Variants in FAM3B observed in about 807,000 individuals in gnomAD.
The protein encoded by FAM3B is protein FAM3B.
In FAM3B, 29 loss-of-function variants were observed where a neutral mutation model predicts 28.4. The ratio of observed to expected loss-of-function variants is 1.02; its 90% CI spans 0.76 to 1.39. The LOEUF is 1.39. FAM3B is among the 40% of genes most tolerant of loss of function. The probability of loss-of-function intolerance (pLI) is 0.00; values close to 1 mark genes in which losing one functional copy is unlikely to be tolerated. For missense variants in FAM3B, 266 were observed against 293.9 expected, an observed-to-expected ratio of 0.91 and a Z score of 0.69; for synonymous variants, 91 against 103.0, an observed-to-expected ratio of 0.88 and a Z score of 0.71.
chr21:41,348,421 A>G (rs534674219), intron 6 of FAM3B, among the ~76,000 whole-genome samples, 171 bp from the exon 7 acceptor site: 198 of 152,326 alleles, frequency 1.3e-3, no homozygotes, highest in African/African-American at 4.6e-3. Flanking sequence ...TGACATTCTC[A>G]AGAAGCATGT....
At chr21:41,342,083 ATCTT>A (rs2089011715) in intron 3 of FAM3B, among the ~76,000 whole-genome samples, 1 of 152,198 alleles carries the variant, frequency 6.6e-6, no homozygotes, top group African/African-American at 2.4e-5. Flanking sequence ...TCTCTGAAAT[ATCTT>A]TATTTCATCT....
At chr21:41,322,857 G>C in intron 1 of FAM3B, 66 bp from the exon 2 acceptor site, 1 of 1,613,572 alleles carries the variant, frequency 6.2e-7, no homozygotes, top group South Asian at 1.1e-5. Flanking sequence ...AGGGGGGATG[G>C]GGAGGGCCAA....
intron 1 of FAM3B, chr21:41,319,869 C>T (rs1383339165): frequency 6.6e-6 from 1 of 152,206 alleles, no homozygotes; most frequent in Admixed American, 6.6e-5. Flanking sequence ...TGCCCAGTAC[C>T]TCAGAATGTG....
upstream of FAM3B, chr21:41,316,716 C>T (rs912994625): frequency 3.0e-5 from 16 of 531,196 alleles, 2 homozygotes; most frequent in Admixed American, 8.9e-5. Flanking sequence ...CGCGCACCTG[C>T]CGGGTCCGCA....
chr21:41,322,756 C>T, intron 1 of FAM3B, 167 bp from the exon 2 acceptor site: 2 of 872,106 alleles, frequency 2.3e-6, no homozygotes, highest in Non-Finnish European at 1.9e-6. Flanking sequence ...CTTCAAAGGT[C>T]CTGACACCGC....
At chr21:41,323,180 A>C in intron 2 of FAM3B, 114 bp downstream of exon 2, 1 of 1,408,364 alleles carries the variant, frequency 7.1e-7, no homozygotes, top group South Asian at 1.3e-5. Context: ...TATATCAGGA[A>C]GGAGGAGGAG....
At chr21:41,304,255 T>C (rs1210149268) in exon 1 of FAM3B, 2 of 455,932 alleles carry the variant, frequency 4.4e-6, no homozygotes, top group Non-Finnish European at 8.8e-6. Flanking sequence ...CGGGCATGGC[T>C]GGGGCACCCT....
intron 2 of FAM3B, among the ~76,000 whole-genome samples, chr21:41,325,868 G>A (rs1175105020): frequency 2.0e-5 from 3 of 152,180 alleles, no homozygotes; most frequent in Non-Finnish European, 4.4e-5. Flanking sequence ...GCTACTTTCA[G>A]AGCTGGGTGA....
chr21:41,346,035 A>G (rs115829523), intron 5 of FAM3B: 2,911 of 268,170 alleles, frequency 0.011, 22 homozygotes, highest in African/African-American at 0.029. Context: ...AAAAAAAAAA[A>G]AGCCAAATAC....
At chr21:41,354,260 ATTT>A (rs2089145710) in intron 7 of FAM3B, among the ~76,000 whole-genome samples, 1 of 152,258 alleles carries the variant, frequency 6.6e-6, no homozygotes. Context: ...CAGAAATACT[ATTT>A]GACCAGCAAT....
chr21:41,345,752 C>T lies in FAM3B; in HGVS notation c.397+16C>T, dbSNP rs759362412. 2 of 1,467,408 alleles carry T rather than the reference C, an allele frequency of 1.4e-6. No individual in the cohort carries two copies. Among genetic ancestry groups the T allele is most frequent in the East Asian group, 2.3e-5 (1 of 44,058 alleles). 90.9% of individuals were successfully genotyped at this position (1,467,408 alleles called of 1,614,324 possible). A position where few individuals can be genotyped will look rare whatever the true frequency, so the allele number is the denominator to read the frequency against. ...TATGAAGGTGGTAAGAAAATTTTTT[C>T]TGTTAAAATTCAAATGAATTTTAAA... On this transcript the variant is annotated intron_variant, in intron 5 of 7. Coordinates refer to ENST00000357985, the MANE Select transcript of FAM3B (RefSeq NM_058186.4).
At chr21:41,336,480 C>T (rs1234303589) in intron 2 of FAM3B, among the ~76,000 whole-genome samples, 1 of 152,170 alleles carries the variant, frequency 6.6e-6, no homozygotes, top group Non-Finnish European at 1.5e-5. Flanking sequence ...TGAGATCACA[C>T]CACTACACTC....
chr21:41,316,776 G>C, upstream of FAM3B: 1 of 1,215,374 alleles, frequency 8.2e-7, no homozygotes, highest in Non-Finnish European at 1.1e-6. Flanking sequence ...GCCCCTGCCC[G>C]ACACGACCGC....
At chr21:41,324,191 G>A (rs974117622) in intron 2 of FAM3B, among the ~76,000 whole-genome samples, 2 of 152,174 alleles carry the variant, frequency 1.3e-5, no homozygotes, top group African/African-American at 4.8e-5. Flanking sequence ...CAAACTGGGG[G>A]CCCAGAGACA....
At position 41,340,769 on chromosome 21, in the gene FAM3B, T is replaced by G. The variant is rs942563823; in HGVS notation, c.287+2268T>G. On this transcript the variant is annotated intron_variant, in intron 3 of 7. Coordinates refer to ENST00000357985, the MANE Select transcript of FAM3B (RefSeq NM_058186.4). Reference sequence around the variant, plus strand: ...CAGAAATCAACATTATGTTTGAATATTACATGTCCCAAAAAAGGAGGCTCA... The same window carrying G: ...CAGAAATCAACATTATGTTTGAATAGTACATGTCCCAAAAAAGGAGGCTCA... 2.0e-5 allele frequency among the ~76,000 whole-genome samples: 3 copies of G among 152,224 alleles called. No individual in the cohort carries two copies. The South Asian group carries it at 6.2e-4, about 32-fold the overall frequency.
chr21:41,310,898 A>G (rs1324457671), intron 1 of FAM3B, among the ~76,000 whole-genome samples: 1 of 152,012 alleles, frequency 6.6e-6, no homozygotes, highest in Non-Finnish European at 1.5e-5. Flanking sequence ...CTAAAAGGAT[A>G]TTTTTTCCCC....
chr21:41,335,334 A>T (rs1257656569), intron 2 of FAM3B, among the ~76,000 whole-genome samples: 1 of 152,184 alleles, frequency 6.6e-6, no homozygotes, highest in Non-Finnish European at 1.5e-5. Flanking sequence ...GCAAAATCTC[A>T]TGTCAAATTT....
Position 41,338,352 on chromosome 21 carries a change from G to T in FAM3B, c.164-26G>T, listed in dbSNP as rs532993587. 3.7e-6 allele frequency: 6 copies of T among 1,613,414 alleles called. No homozygotes were observed. In the South Asian group the frequency reaches 4.4e-5, roughly 12 times the overall value. ...TGTAAATTACTGTGGGATGTTAATG[G>T]CTATATACTTTCTTATTCATTACAG... On this transcript the variant is annotated intron_variant, in intron 2 of 7. Coordinates refer to ENST00000357985, the MANE Select transcript of FAM3B (RefSeq NM_058186.4).
intron 5 of FAM3B, among the ~76,000 whole-genome samples, chr21:41,346,782 G>T (rs564536703): frequency 6.6e-6 from 1 of 152,092 alleles, no homozygotes; most frequent in African/African-American, 2.4e-5. Flanking sequence ...GCAAGTGTTA[G>T]GTTCTTTTCC....
Sources: gnomAD v4.1 joint callset for allele counts (sites outside exome capture counted in the v4.1 genomes callset) on GRCh38, gnomAD v4.1.1 for gene constraint, MANE v1.5 for transcripts, NCBI Gene and HGNC (gene_info 2026-07-23, HGNC 2026-07-21) for gene names.